The following ZNF605 variants were observed in gnomAD, a reference collection of about 807,000 sequenced individuals.
ZNF605 encodes the protein zinc finger protein 605.
Under a neutral mutation model 7.9 loss-of-function variants are expected in ZNF605, and 9 were observed. That is an observed-to-expected ratio of 1.14 (90% CI 0.68 to 1.98). The LOEUF is 1.98. Ranked by LOEUF, ZNF605 falls within the 30% of genes most tolerant of loss-of-function variation. The pLI is 0.00. For missense variants in ZNF605, 673 were observed against 762.4 expected, an observed-to-expected ratio of 0.88 and a Z score of 1.38; for synonymous variants, 255 against 260.1, an observed-to-expected ratio of 0.98 and a Z score of 0.19.
intron 1 of ZNF605, among the ~76,000 whole-genome samples, chr12:132,954,424 G>GGGGAGCGGGGGAGAAGGGTGGGGA (rs1555280753): frequency 2.3e-5 from 1 of 43,672 alleles, no homozygotes; most frequent in African/African-American, 1.1e-4. Context: ...TGAGAAGGAT[G>GGGGAGCGGGGGAGAAGGGTGGGGA]GGGGAGGAGA....
In ZNF605 at chr12:132,922,229, T is replaced by A. The variant is rs1952212261; in HGVS notation, c.*3144A>T. ...TTCTTCACTCAGTAACTGATTATCTTGTTTCTTGTCCACAGATATTTAACC... is the reference window on the plus strand; with the variant it reads ...TTCTTCACTCAGTAACTGATTATCTAGTTTCTTGTCCACAGATATTTAACC... On this transcript the variant is annotated 3_prime_UTR_variant, in exon 5 of 5. Coordinates refer to ENST00000360187, the MANE Select transcript of ZNF605 (RefSeq NM_183238.4). The A allele has an allele frequency of 6.6e-6, 1 of 152,242 alleles. No homozygotes were observed. 9.4% of individuals were successfully genotyped at this position (152,242 alleles called of 1,614,324 possible). A position where few individuals can be genotyped will look rare whatever the true frequency, so the allele number is the denominator to read the frequency against.
chr12:132,950,634 T>G (rs1447117936), intron 1 of ZNF605, among the ~76,000 whole-genome samples: 1 of 150,186 alleles, frequency 6.7e-6, no homozygotes, highest in African/African-American at 2.5e-5. Context: ...ACAGACACCC[T>G]GAGTACATCG....
At chr12:132,943,883 A>G (rs996251293) in intron 3 of ZNF605, among the ~76,000 whole-genome samples, 3 of 152,178 alleles carry the variant, frequency 2.0e-5, no homozygotes, top group Non-Finnish European at 4.4e-5. Context: ...CATTGCCGGG[A>G]GGTGAGGTAT....
At chr12:132,929,658 C>T (rs967137660) in intron 4 of ZNF605, among the ~76,000 whole-genome samples, 3 of 152,200 alleles carry the variant, frequency 2.0e-5, no homozygotes, top group Admixed American at 6.5e-5. Context: ...AAAAATATGT[C>T]TATCCAGGCC....
chr12:132,927,075 A>C lies in ZNF605; in HGVS notation c.224T>G (p.Phe75Cys). 3 of 1,601,684 alleles carry C rather than the reference A, an allele frequency of 1.9e-6. No homozygotes were observed. Among genetic ancestry groups the C allele is most frequent in the Non-Finnish European group, 2.5e-6 (3 of 1,179,680 alleles). The part of the protein sequence containing the change: ...SMERGHKYDV[F>C]GKIFNSSINI... ...TATGCTTGAATTAAATATTTTTCCA[A>C]AAACATCATATTTATGGCCTCTCTC... The change falls in exon 5 of 5, where the codon TTT (phenylalanine) becomes TGT (cysteine). Residue 75 changes from phenylalanine to cysteine, a missense_variant. Phe to Cys is a radical substitution (Grantham distance 205). Transcript: ENST00000360187.
At position 132,923,426 on chromosome 12, in the gene ZNF605, C is replaced by T. The variant is rs1401827913; in HGVS notation, c.*1947G>A. The T allele has an allele frequency of 1.3e-5, 2 of 152,058 alleles. No homozygotes were observed. Among genetic ancestry groups the T allele is most frequent in the Non-Finnish European group, 2.9e-5 (2 of 67,996 alleles). The allele number at this position is 152,058 out of a possible 1,614,324, so 9.4% of individuals were successfully genotyped here. A position where few individuals can be genotyped will look rare whatever the true frequency, so the allele number is the denominator to read the frequency against. On this transcript the variant is annotated 3_prime_UTR_variant, in exon 5 of 5. Coordinates refer to ENST00000360187, the MANE Select transcript of ZNF605 (RefSeq NM_183238.4). ...TTTCTCAGAAACAGTCTTTATTTTG[C>T]CTTCATTTTTGAAAACGTTTTTGAC...
chr12:132,926,271 T>A lies in ZNF605; in HGVS notation c.1028A>T (p.Gln343Leu). The change falls in exon 5 of 5, where the codon CAA (glutamine) becomes CTA (leucine). Residue 343 changes from glutamine (Q) to leucine (L), a missense_variant. By Grantham distance (113) the Gln-to-Leu change is moderately radical (BLOSUM62 -2). Coordinates refer to ENST00000360187, the MANE Select transcript of ZNF605 (RefSeq NM_183238.4). ...AAGTGAGTTCCTGCTGAAGGCTTTT[T>A]GACACTCACCACATCCGTAAGGTTT... ...GKKPYGCGEC[Q>L]KAFSRNSLLI... 6.2e-7 allele frequency: 1 copy of A among 1,614,022 alleles called. No individual in the cohort carries two copies. Among genetic ancestry groups the A allele is most frequent in the Middle Eastern group, 1.6e-4 (1 of 6,062 alleles).
In ZNF605 at chr12:132,933,462, T is replaced by G. The variant is rs1222067992; in HGVS notation, c.16-307A>C. On this transcript the variant is annotated intron_variant, in intron 3 of 4. Transcript: ENST00000360187. The surrounding 1 kb of genome is among the most constrained non-coding windows in gnomAD (Gnocchi z 4.4). The stretch of plus-strand genomic sequence containing the variant: ...GCTGCTGTGTTGTAAGGCCGCCATG[T>G]GGAAGCTCATGTGCCGTGGAACTGA... 6.6e-6 allele frequency among the ~76,000 whole-genome samples: 1 copy of G among 152,196 alleles called. No homozygotes were observed. The highest frequency in any genetic ancestry group is 1.5e-5 in the Non-Finnish European group (1 of 68,026).
At position 132,919,548 on chromosome 12, in the gene ZNF605, C is replaced by T. The variant is rs1023939704; in HGVS notation, c.*5825G>A. ...GGGACTACAGGCGCCCGCCACCACG[C>T]GCGGCTAATTTTTTGTATTTTTAGT... On this transcript the variant is annotated 3_prime_UTR_variant, in exon 5 of 5. Transcript: ENST00000360187. 12 of 151,792 alleles carry T rather than the reference C, an allele frequency of 7.9e-5. No homozygotes were observed. The highest frequency in any genetic ancestry group is 5.3e-4 in the Admixed American group (8 of 15,212). 9.4% of individuals were successfully genotyped at this position (151,792 alleles called of 1,614,324 possible). A position where few individuals can be genotyped will look rare whatever the true frequency, so the allele number is the denominator to read the frequency against.
At chr12:132,943,384 T>TGTA (rs1952465648) in intron 3 of ZNF605, among the ~76,000 whole-genome samples, 1 of 147,876 alleles carries the variant, frequency 6.8e-6, no homozygotes, top group Non-Finnish European at 1.5e-5. Flanking sequence ...AAAAAAAACC[T>TGTA]GTAGTGCATG....
intron 4 of ZNF605, among the ~76,000 whole-genome samples, chr12:132,932,547 T>G (rs2137132694): frequency 6.6e-6 from 1 of 152,282 alleles, no homozygotes; most frequent in South Asian, 2.1e-4. Context: ...GGAGACCAGG[T>G]TATGGAGCAC....
chr12:132,939,282 AC>A (rs1952406035), intron 3 of ZNF605, among the ~76,000 whole-genome samples: 1 of 152,072 alleles, frequency 6.6e-6, no homozygotes, highest in East Asian at 1.9e-4. Flanking sequence ...ACCAATCAGC[AC>A]CCTGTGTTTA....
rs1952189491 is a variant in ZNF605, at chr12:132,920,052, C to G, written c.*5321G>C. 1 of 151,930 alleles carries G rather than the reference C, an allele frequency of 6.6e-6. No individual in the cohort carries two copies. The allele number at this position is 151,930 out of a possible 1,614,324, so 9.4% of individuals were successfully genotyped here. A position where few individuals can be genotyped will look rare whatever the true frequency, so the allele number is the denominator to read the frequency against. Reference sequence around the variant, plus strand: ...ATGGGGTTTCACCATATTGGCCAGGCTGGTCTCGAACTCCTGACCTTGTGA... The same window carrying G: ...ATGGGGTTTCACCATATTGGCCAGGGTGGTCTCGAACTCCTGACCTTGTGA... On this transcript the variant is annotated 3_prime_UTR_variant, in exon 5 of 5. Transcript: ENST00000360187.
intron 3 of ZNF605, among the ~76,000 whole-genome samples, chr12:132,944,155 C>T (rs377601734): frequency 1.2e-3 from 188 of 152,156 alleles, no homozygotes; most frequent in African/African-American, 4.2e-3. Flanking sequence ...CTAGGGTGGG[C>T]GCCTTCCTCC....
rs1952319760 is a variant in ZNF605, at chr12:132,932,649, C to T, written c.136+386G>A. 3.8e-6 allele frequency: 4 copies of T among 1,060,450 alleles called. No homozygotes were observed. The South Asian group carries it at 4.6e-5, about 12-fold the overall frequency. 65.7% of individuals were successfully genotyped at this position (1,060,450 alleles called of 1,614,324 possible). A position where few individuals can be genotyped will look rare whatever the true frequency, so the allele number is the denominator to read the frequency against. ...TTATAAACAACACTTTAAAAGTGCCCACCTGTCATCAAAAACCTGAGATAA... is the reference window on the plus strand; with the variant it reads ...TTATAAACAACACTTTAAAAGTGCCTACCTGTCATCAAAAACCTGAGATAA... On this transcript the variant is annotated intron_variant, in intron 4 of 4. Coordinates refer to ENST00000360187, the MANE Select transcript of ZNF605 (RefSeq NM_183238.4).
rs1185204257 is a variant in ZNF605 at position 132,941,779 on chromosome 12, C to T, written c.15+3842G>A. Among the ~76,000 whole-genome samples, 4 of 152,042 alleles carry T rather than the reference C, an allele frequency of 2.6e-5. No individual in the cohort carries two copies. The highest frequency in any genetic ancestry group is 7.2e-5 in the African/African-American group (3 of 41,396). On this transcript the variant is annotated intron_variant, in intron 3 of 4. Transcript: ENST00000360187. The surrounding 1 kb of genome is among the most constrained non-coding windows in gnomAD (Gnocchi z 5.1). ...CGTCCCTCTTCTCCGGGCTGCCCTC[C>T]GTCACGCGCCCTTTTCCAGGCTGCC...
At chr12:132,928,202 A>G (rs1456624052) in intron 4 of ZNF605, among the ~76,000 whole-genome samples, 2 of 152,242 alleles carry the variant, frequency 1.3e-5, no homozygotes, top group African/African-American at 4.8e-5. Flanking sequence ...ATATTGTTGA[A>G]TGGTATAATA....
rs868764044 is a variant in ZNF605, at chr12:132,934,828, A to G, written c.16-1673T>C. Reference sequence around the variant, plus strand: ...AGTGAATAAGGTTACAGGGCTATGAAGCTAGCATTTACAGAATATAGAGAC... The same window carrying G: ...AGTGAATAAGGTTACAGGGCTATGAGGCTAGCATTTACAGAATATAGAGAC... On this transcript the variant is annotated intron_variant, in intron 3 of 4. Coordinates refer to ENST00000360187, the MANE Select transcript of ZNF605 (RefSeq NM_183238.4). Among the ~76,000 whole-genome samples the G allele has an allele frequency of 5.4e-3, 824 of 152,246 alleles. 6 individuals are homozygous for G. The highest frequency in any genetic ancestry group is 0.019 in the African/African-American group (786 of 41,552).
Position 132,925,910 on chromosome 12 carries a change from G to A in ZNF605, c.1389C>T (p.Ser463=). The A allele has an allele frequency of 6.2e-7, 1 of 1,614,062 alleles. No homozygotes were observed. Among genetic ancestry groups the A allele is most frequent in the South Asian group, 1.1e-5 (1 of 91,082 alleles). Residue 463 remains serine, a synonymous_variant, in exon 5 of 5, where the codon AGC becomes AGT. Transcript: ENST00000360187. ...TATGTGTTCTCTGATGTGATATCAGGCTTGACTTCTGGGTGAAGGCCTTCC... is the reference window on the plus strand; with the variant it reads ...TATGTGTTCTCTGATGTGATATCAGACTTGACTTCTGGGTGAAGGCCTTCC... The part of the protein sequence containing the change: ...ECGKAFTQKS[S]LISHQRTHTG...
Sources: gnomAD v4.1 joint callset for allele counts (sites outside exome capture counted in the v4.1 genomes callset) on GRCh38, gnomAD v4.1.1 for gene constraint, Gnocchi (gnomAD v3.1) non-coding constraint, MANE v1.5 for transcripts, NCBI Gene and HGNC (gene_info 2026-07-23, HGNC 2026-07-21) for gene names.